RHOJ: variants seen among roughly 807,000 people sequenced by gnomAD.
RHOJ encodes the protein ras homolog family member J, also known as rho-related GTP-binding protein RhoJ.
In RHOJ, 11 loss-of-function variants were observed where a neutral mutation model predicts 23.4. The observed-to-expected ratio is 0.47, with a 90% CI of 0.30 to 0.78. The LOEUF is 0.78. Among genes scored for constraint, RHOJ ranks in the 30% least tolerant of loss-of-function variants. The pLI is 0.08. For synonymous variants in RHOJ, 102 were observed against 102.7 expected (o/e 0.99, Z 0.04); for missense variants, 254 against 273.4 (o/e 0.93, Z 0.50).
At position 63,291,720 on chromosome 14, in the gene RHOJ, A is replaced by G. The variant is rs2139672799; in HGVS notation, c.*696A>G. On this transcript the variant is annotated 3_prime_UTR_variant, in exon 5 of 5. Coordinates refer to ENST00000316754, the MANE Select transcript of RHOJ (RefSeq NM_020663.5). Reference sequence around the variant, plus strand: ...AGCCATGATTTTTGAACCTAATTGAAAGAAAACCATCTGAATTGTTGCAGG... The same window carrying G: ...AGCCATGATTTTTGAACCTAATTGAGAGAAAACCATCTGAATTGTTGCAGG... 1 of 155,192 alleles carries G rather than the reference A, an allele frequency of 6.4e-6. No individual in the cohort carries two copies. The highest frequency in any genetic ancestry group is 6.3e-5 in the Admixed American group (1 of 15,934). 9.6% of individuals were successfully genotyped at this position (155,192 alleles called of 1,614,324 possible).
At chr14:63,266,497 T>G (rs944417868) in intron 1 of RHOJ, among the ~76,000 whole-genome samples, 1 of 152,228 alleles carries the variant, frequency 6.6e-6, no homozygotes, top group Non-Finnish European at 1.5e-5. Context: ...ATAGGAAGGC[T>G]GTTGAATCTG....
At chr14:63,284,359 G>A (rs1470350960) in intron 4 of RHOJ, 9 of 985,026 alleles carry the variant, frequency 9.1e-6, no homozygotes, top group Non-Finnish European at 8.4e-6. Context: ...ACTAACTAGC[G>A]CCAGACGTCC....
At chr14:63,226,357 A>G (rs942568760) in intron 1 of RHOJ, among the ~76,000 whole-genome samples, 1 of 152,034 alleles carries the variant, frequency 6.6e-6, no homozygotes, top group Non-Finnish European at 1.5e-5. Flanking sequence ...GTGGGCTAGC[A>G]AAACTCAGGA....
At chr14:63,274,163 AT>A (rs1432658581) in intron 2 of RHOJ, among the ~76,000 whole-genome samples, 1 of 152,224 alleles carries the variant, frequency 6.6e-6, no homozygotes, top group Admixed American at 6.5e-5. Flanking sequence ...AAGGACACAC[AT>A]AAGCCTTCCC....
chr14:63,224,531 T>G (rs1168016990), intron 1 of RHOJ, among the ~76,000 whole-genome samples: 9 of 152,210 alleles, frequency 5.9e-5, no homozygotes, highest in Admixed American at 1.3e-4. Flanking sequence ...TAAATCCATT[T>G]GTATGACCTT....
chr14:63,281,816 T>G (rs1881908531), intron 3 of RHOJ, among the ~76,000 whole-genome samples: 1 of 152,214 alleles, frequency 6.6e-6, no homozygotes, highest in South Asian at 2.1e-4. Flanking sequence ...TTTAAATGGA[T>G]TTTGTTCTTT....
At chr14:63,286,032 T>C (rs1594779519) in intron 4 of RHOJ, among the ~76,000 whole-genome samples, 1 of 152,352 alleles carries the variant, frequency 6.6e-6, no homozygotes, top group Middle Eastern at 3.4e-3. Context: ...CCTGCTAAGT[T>C]TCCTGCTGGG....
intron 4 of RHOJ, among the ~76,000 whole-genome samples, 169 bp from the exon 5 acceptor site, chr14:63,290,709 G>A: frequency 7.1e-6 from 1 of 140,412 alleles, no homozygotes. Context: ...TAGGATAGCA[G>A]ATACAAATTG....
At chr14:63,249,697 C>T (rs1484165601) in intron 1 of RHOJ, among the ~76,000 whole-genome samples, 1 of 152,162 alleles carries the variant, frequency 6.6e-6, no homozygotes, top group Non-Finnish European at 1.5e-5. Context: ...TATTTCTAAG[C>T]TTATATGTTA....
chr14:63,280,547 A>C (rs1881865592), intron 2 of RHOJ, among the ~76,000 whole-genome samples: 1 of 152,150 alleles, frequency 6.6e-6, no homozygotes, highest in African/African-American at 2.4e-5. Context: ...TCACCGTAAA[A>C]TATATTTTTA....
At chr14:63,237,123 C>T (rs1361326270) in intron 1 of RHOJ, among the ~76,000 whole-genome samples, 4 of 152,062 alleles carry the variant, frequency 2.6e-5, no homozygotes, top group Non-Finnish European at 5.9e-5. Context: ...GAGGGCTAAC[C>T]TACTGTGCAG....
intron 1 of RHOJ, among the ~76,000 whole-genome samples, chr14:63,224,554 A>C (rs10150375): frequency 0.83 from 126,632 of 152,068 alleles, 53,720 homozygotes; most frequent in Middle Eastern, 0.96. Flanking sequence ...AAAGACTCCC[A>C]ATAAGAACAT....
At chr14:63,234,390 T>C (rs770906752) in intron 1 of RHOJ, among the ~76,000 whole-genome samples, 5 of 152,230 alleles carry the variant, frequency 3.3e-5, no homozygotes, top group Non-Finnish European at 7.3e-5. Flanking sequence ...TTTGCATCCC[T>C]GCTCCTAATA....
intron 1 of RHOJ, among the ~76,000 whole-genome samples, chr14:63,222,634 C>T (rs1328321929): frequency 2.0e-5 from 3 of 152,254 alleles, no homozygotes; most frequent in South Asian, 2.1e-4. Flanking sequence ...TTTTGAGAAG[C>T]GTCTGTTCAT....
chr14:63,271,137 T>TA (rs1214067677), intron 2 of RHOJ, among the ~76,000 whole-genome samples: 1 of 152,184 alleles, frequency 6.6e-6, no homozygotes, highest in Non-Finnish European at 1.5e-5. Context: ...TGAAGACTGA[T>TA]AAAATATAAC....
chr14:63,224,581 T>C (rs1330757784), intron 1 of RHOJ, among the ~76,000 whole-genome samples: 3 of 152,176 alleles, frequency 2.0e-5, no homozygotes, highest in African/African-American at 7.2e-5. Flanking sequence ...ATTAAAACAC[T>C]CTATTCTAAA....
chr14:63,269,088 T>C, intron 1 of RHOJ, 22 bp from the exon 2 acceptor site: 2 of 1,594,440 alleles, frequency 1.3e-6, no homozygotes, highest in Non-Finnish European at 1.7e-6. Context: ...CTCCTCTTCT[T>C]TTCTTTTCTC....
intron 3 of RHOJ, among the ~76,000 whole-genome samples, chr14:63,282,343 T>C (rs1463657784): frequency 6.6e-6 from 1 of 151,166 alleles, no homozygotes; most frequent in Non-Finnish European, 1.5e-5. Context: ...AGCTGAGTAA[T>C]ATGCTTATAA....
chr14:63,263,688 C>G (rs1004229437), intron 1 of RHOJ, among the ~76,000 whole-genome samples: 4 of 152,214 alleles, frequency 2.6e-5, no homozygotes, highest in African/African-American at 9.6e-5. Context: ...ATGGCATCCT[C>G]CCTTCCCCCA....
Sources: gnomAD v4.1 joint callset for allele counts (sites outside exome capture counted in the v4.1 genomes callset) on GRCh38, gnomAD v4.1.1 for gene constraint, MANE v1.5 for transcripts, NCBI Gene and HGNC (gene_info 2026-07-23, HGNC 2026-07-21) for gene names.